The following PRRC2B variants were observed in gnomAD, a reference collection of about 807,000 sequenced individuals.
The protein encoded by PRRC2B is protein PRRC2B.
A neutral mutation model predicts 242.3 loss-of-function variants in PRRC2B; 68 were observed. The ratio of observed to expected loss-of-function variants is 0.28; its 90% confidence interval spans 0.23 to 0.34. The LOEUF (loss-of-function observed/expected upper bound fraction) is 0.34, where lower values mean the gene tolerates loss of function less well. Ranked by LOEUF, PRRC2B falls within the 10% of genes least tolerant of loss-of-function variation. The pLI, the probability that PRRC2B is intolerant of heterozygous loss-of-function variation, is 1.00. For missense variants in PRRC2B, 2,835 were observed against 2,954.8 expected (o/e 0.96, Z 0.94); for synonymous variants, 1,228 against 1,173.6 (o/e 1.05, Z -0.95).
intron 5 of PRRC2B, among the ~76,000 whole-genome samples, chr9:131,439,365 G>A (rs531446008): frequency 1.3e-5 from 2 of 152,328 alleles, no homozygotes; most frequent in African/African-American, 4.8e-5. Context: ...ACCAAACTAG[G>A]CAGCAGCTCT....
At chr9:131,444,104 G>A in intron 5 of PRRC2B, 81 bp from the exon 6 acceptor site, 1 of 1,524,302 alleles carries the variant, frequency 6.6e-7, no homozygotes, top group Admixed American at 1.8e-5. Context: ...AGGCAACACG[G>A]CTTTCAAGGT....
chr9:131,467,747 A>ACAG lies in PRRC2B; in HGVS notation c.1909_1911dup (p.Gln637dup). On this transcript the variant is annotated inframe_insertion, in exon 13 of 32. Transcript: ENST00000683519. ...GATTCCAGCGCCAGCAGCAGCAACA[A>ACAG]CAGCAGGTAAACAGATGAGATGGTA... is the stretch of plus-strand genomic sequence containing the variant. The ACAG allele has an allele frequency of 1.2e-6, 2 of 1,613,918 alleles. No homozygotes were observed. Among genetic ancestry groups the ACAG allele is most frequent in the Non-Finnish European group, 1.7e-6 (2 of 1,179,844 alleles).
intron 23 of PRRC2B, 95 bp from the exon 24 acceptor site, chr9:131,484,591 A>T: frequency 1.0e-6 from 1 of 966,554 alleles, no homozygotes; most frequent in South Asian, 1.6e-5. Context: ...CATTTGGACG[A>T]GCCTTGAGTG....
intron 10 of PRRC2B, among the ~76,000 whole-genome samples, chr9:131,457,864 T>G (rs998576036): frequency 6.6e-6 from 1 of 152,032 alleles, no homozygotes; most frequent in Non-Finnish European, 1.5e-5. Flanking sequence ...TCTGTAATTT[T>G]CCCCTCTGTA....
At chr9:131,403,918 C>G (rs1421856553) in intron 1 of PRRC2B, among the ~76,000 whole-genome samples, 1 of 152,002 alleles carries the variant, frequency 6.6e-6, no homozygotes, top group Non-Finnish European at 1.5e-5. Context: ...CGTAACTTCT[C>G]TTATTTTTAT....
chr9:131,487,735 C>T lies in PRRC2B; in HGVS notation c.5985-121C>T. ...CCCATCCTGGACCCTCTGAGTCGCGCTCTGGGGGTGGGGCCGGGGATCTGT... is the reference window on the plus strand; with the variant it reads ...CCCATCCTGGACCCTCTGAGTCGCGTTCTGGGGGTGGGGCCGGGGATCTGT... On this transcript the variant is annotated intron_variant, in intron 27 of 31. Coordinates refer to ENST00000683519, the MANE Select transcript of PRRC2B (RefSeq NM_013318.4). This position sits in a 1 kb window ranked among gnomAD's most constrained non-coding sequence, Gnocchi z 5.3. The T allele has an allele frequency of 1.5e-6, 2 of 1,357,884 alleles. No individual in the cohort carries two copies. Among genetic ancestry groups the T allele is most frequent in the Non-Finnish European group, 2.0e-6 (2 of 1,008,494 alleles). 84.1% of individuals were successfully genotyped at this position (1,357,884 alleles called of 1,614,324 possible).
At chr9:131,478,343 G>A in intron 17 of PRRC2B, 131 bp from the exon 18 acceptor site, 3 of 891,644 alleles carry the variant, frequency 3.4e-6, no homozygotes, top group Non-Finnish European at 5.4e-6. Flanking sequence ...GAGGCGGCCT[G>A]AGAAAAGTGC....
chr9:131,453,787 C>G (rs1386244604), intron 9 of PRRC2B, among the ~76,000 whole-genome samples: 4 of 152,212 alleles, frequency 2.6e-5, no homozygotes, highest in African/African-American at 9.6e-5. Flanking sequence ...CTGCCTTGAC[C>G]TCCCAAAGCG....
intron 1 of PRRC2B, among the ~76,000 whole-genome samples, chr9:131,412,853 A>T: frequency 7.2e-6 from 1 of 138,744 alleles, no homozygotes; most frequent in East Asian, 2.1e-4. Context: ...GAGTGCAGTG[A>T]GACGATTATA....
chr9:131,479,509 G>T, intron 19 of PRRC2B, 116 bp downstream of exon 19: 1 of 1,010,226 alleles, frequency 9.9e-7, no homozygotes, highest in Non-Finnish European at 1.4e-6. Context: ...TACAGATGGA[G>T]TACCTGTTTG....
chr9:131,490,562 G>A, intron 28 of PRRC2B: 1 of 519,112 alleles, frequency 1.9e-6, no homozygotes, highest in South Asian at 1.4e-5. Context: ...AGAGGACAGT[G>A]ACTGAGAGAC....
At chr9:131,375,979 G>C (rs2131260580) in intron 1 of PRRC2B, among the ~76,000 whole-genome samples, 1 of 150,174 alleles carries the variant, frequency 6.7e-6, no homozygotes, top group East Asian at 1.9e-4. Flanking sequence ...AACCCAGGAG[G>C]CGGAGGTTGC....
intron 28 of PRRC2B, among the ~76,000 whole-genome samples, chr9:131,489,170 C>G (rs1259142417): frequency 1.3e-5 from 2 of 151,728 alleles, no homozygotes; most frequent in Non-Finnish European, 2.9e-5. Flanking sequence ...CTCTAGTGAC[C>G]CAACTCCAAA....
At chr9:131,471,012 C>T (rs953552823) in intron 14 of PRRC2B, 29 bp downstream of exon 14, 8 of 1,532,558 alleles carry the variant, frequency 5.2e-6, no homozygotes, top group Non-Finnish European at 7.2e-6. Flanking sequence ...CGGTCCATAC[C>T]TGTATCACCC....
intron 1 of PRRC2B, among the ~76,000 whole-genome samples, chr9:131,394,877 G>A (rs1837000053): frequency 6.6e-6 from 1 of 151,984 alleles, no homozygotes. Flanking sequence ...GAACCAGAGG[G>A]TTATTTTCGA....
intron 25 of PRRC2B, 75 bp from the exon 26 acceptor site, chr9:131,486,010 C>T (rs1944013041): frequency 2.0e-6 from 2 of 1,017,402 alleles, no homozygotes; most frequent in African/African-American, 1.6e-5. Flanking sequence ...GACCTGTAGA[C>T]TGTTTCCCTC....
At position 131,420,453 on chromosome 9, in the gene PRRC2B, T is replaced by TTCTTTC. The variant is rs1554758580; in HGVS notation, c.-51-9640_-51-9639insCTTTCT. Reference sequence around the variant, plus strand: ...TTTTCTTTTTTCTTTTTCTTTTTCTTTTTCTTTCTTTCTTTCTTTCTTTCT... The same window carrying TTCTTTC: ...TTTTCTTTTTTCTTTTTCTTTTTCTTTCTTTCTTTCTTTCTTTCTTTCTTTCTTTCT... On this transcript the variant is annotated intron_variant, in intron 1 of 31. Transcript: ENST00000683519. 8.2e-5 allele frequency among the ~76,000 whole-genome samples: 5 copies of TTCTTTC among 60,986 alleles called. 1 individual carries two copies. Among genetic ancestry groups the TTCTTTC allele is most frequent in the Non-Finnish European group, 1.3e-4 (4 of 29,878 alleles). The allele number at this position is 60,986 out of a possible 152,430, so 40.0% of individuals were successfully genotyped here. A position where few individuals can be genotyped will look rare whatever the true frequency, so the allele number is the denominator to read the frequency against.
intron 19 of PRRC2B, 25 bp from the exon 20 acceptor site, chr9:131,481,701 T>C: frequency 1.3e-6 from 2 of 1,546,510 alleles, no homozygotes; most frequent in Non-Finnish European, 1.8e-6. Flanking sequence ...TTTGATGCCC[T>C]GACTCTGTCT....
In PRRC2B at chr9:131,484,646, A is replaced by G. The variant is rs772324978; in HGVS notation, c.5461-40A>G. 2.6e-6 allele frequency: 4 copies of G among 1,523,638 alleles called. No homozygotes were observed. The Admixed American group carries it at 7.6e-5, about 29-fold the overall frequency. 94.4% of individuals were successfully genotyped at this position (1,523,638 alleles called of 1,614,324 possible). On this transcript the variant is annotated intron_variant, in intron 23 of 31. Coordinates refer to ENST00000683519, the MANE Select transcript of PRRC2B (RefSeq NM_013318.4). ...TGGGTTTGGGCAAAGCCATCTCTGC[A>G]CCTGTTTGTGTTCCATGGTTTCCTT... is the stretch of plus-strand genomic sequence containing the variant.
Sources: allele counts gnomAD v4.1 joint callset (sites outside exome capture counted in the v4.1 genomes callset), GRCh38; gene constraint gnomAD v4.1.1; non-coding constraint Gnocchi (gnomAD v3.1); transcripts MANE v1.5; gene names NCBI Gene and HGNC (gene_info 2026-07-23, HGNC 2026-07-21).